The following TERB2 variants were observed in gnomAD, a reference collection of about 807,000 sequenced individuals.
TERB2 encodes telomere repeat binding bouquet formation protein 2.
In TERB2, 26 loss-of-function variants were observed where a neutral mutation model predicts 29.8. That is an observed-to-expected ratio of 0.87 (90% confidence interval 0.64 to 1.21). TERB2 has a LOEUF of 1.21. Ranked by LOEUF, TERB2 falls within the 50% of genes most tolerant of loss-of-function variation. TERB2 has a pLI of 0.00. For synonymous variants in TERB2, 80 were observed against 90.8 expected (o/e 0.88, Z 0.68); for missense variants, 240 against 268.6 (o/e 0.89, Z 0.74).
intron 6 of TERB2, among the ~76,000 whole-genome samples, chr15:44,975,077 A>T (rs1892025164): frequency 6.6e-6 from 1 of 152,240 alleles, no homozygotes; most frequent in South Asian, 2.1e-4. Context: ...ACAAATTTTT[A>T]AAAACTATTA....
chr15:44,958,320 A>G (rs11633824), intron 2 of TERB2, 53 bp from the exon 3 acceptor site: 186,987 of 1,527,978 alleles, frequency 0.12, 12,914 homozygotes, highest in Non-Finnish European at 0.14. Flanking sequence ...TTGAAAGGTT[A>G]AATACATTCT....
intron 5 of TERB2, among the ~76,000 whole-genome samples, chr15:44,966,980 G>C (rs1412299230): frequency 1.3e-5 from 2 of 152,134 alleles, no homozygotes; most frequent in Non-Finnish European, 2.9e-5. Flanking sequence ...CATACCTATA[G>C]TCCCAGCTAT....
At chr15:44,971,747 C>T (rs545953007) in intron 5 of TERB2, among the ~76,000 whole-genome samples, 37 of 151,888 alleles carry the variant, frequency 2.4e-4, no homozygotes, top group African/African-American at 8.7e-4. Flanking sequence ...CAGAGCAAGA[C>T]TCTGTCCTCC....
intron 6 of TERB2, chr15:44,976,227 T>A (rs537205518): frequency 6.6e-6 from 1 of 152,140 alleles, no homozygotes; most frequent in Admixed American, 6.5e-5. Context: ...GTTTCTAAGG[T>A]CAGAAATCCA....
At chr15:44,964,382 G>T (rs403420) in intron 4 of TERB2, among the ~76,000 whole-genome samples, 1,651 of 151,866 alleles carry the variant, frequency 0.011, 24 homozygotes, top group African/African-American at 0.038. Flanking sequence ...GTTGTACTAA[G>T]GACTGAAATA....
At chr15:44,969,776 T>A (rs1891941793) in intron 5 of TERB2, among the ~76,000 whole-genome samples, 1 of 146,700 alleles carries the variant, frequency 6.8e-6, no homozygotes, top group African/African-American at 2.6e-5. Flanking sequence ...TCAACCAAGG[T>A]GAAAGAGTGA....
In TERB2 at chr15:44,958,465, C is replaced by A; in HGVS notation, c.239C>A (p.Ser80Ter). The A allele has an allele frequency of 6.2e-7, 1 of 1,614,074 alleles. No individual in the cohort carries two copies. The highest frequency in any genetic ancestry group is 2.2e-5 in the East Asian group (1 of 44,868). ...SAVANAKIKN[S>*]VALGHFILPP... ...GTAGCTAATGCCAAAATAAAAAACTCGGTGGCTTTGGGTCATTTCATTCTT... is the reference window on the plus strand; with the variant it reads ...GTAGCTAATGCCAAAATAAAAAACTAGGTGGCTTTGGGTCATTTCATTCTT... Residue 80 changes from serine (S) to a stop codon, truncating the protein, a stop_gained, in exon 3 of 7, where the codon TCG (serine) becomes TAG (stop). Transcript: ENST00000340827. LOFTEE classifies it high-confidence loss of function.
chr15:44,973,972 TTTA>T lies in TERB2; in HGVS notation c.523+18_523+20del. On this transcript the variant is annotated intron_variant, in intron 6 of 6. Coordinates refer to ENST00000340827, the MANE Select transcript of TERB2 (RefSeq NM_152448.3). ...TGGTAACAGGTAGTTTAAAATAAAA[TTTA>T]GAGTAAACTCAGGTAGGAAAGAAAC... 6.6e-7 allele frequency: 1 copy of T among 1,517,382 alleles called. No homozygotes were observed. Among genetic ancestry groups the T allele is most frequent in the African/African-American group, 1.4e-5 (1 of 71,856 alleles). The allele number at this position is 1,517,382 out of a possible 1,614,324, so 94.0% of individuals were successfully genotyped here. A position where few individuals can be genotyped will look rare whatever the true frequency, so the allele number is the denominator to read the frequency against.
intron 5 of TERB2, among the ~76,000 whole-genome samples, chr15:44,973,399 ACT>A (rs1283376247): frequency 6.6e-6 from 1 of 152,082 alleles, no homozygotes; most frequent in Non-Finnish European, 1.5e-5. Context: ...AAGACCCAGG[ACT>A]CTATAGACTC....
chr15:44,956,700 C>G lies in TERB2; in HGVS notation c.-19C>G, dbSNP rs753316673. The G allele has an allele frequency of 1.9e-6, 3 of 1,591,322 alleles. No individual in the cohort carries two copies. On this transcript the variant is annotated 5_prime_UTR_variant, in exon 1 of 7. Transcript: ENST00000340827. Reference sequence around the variant, plus strand: ...CTCTGCGGCCTCCTCTCTCACATCTCCACAGGCTTGGCGACGCCATGTTTC... The same window carrying G: ...CTCTGCGGCCTCCTCTCTCACATCTGCACAGGCTTGGCGACGCCATGTTTC...
chr15:44,961,761 G>C (rs145546372), intron 4 of TERB2, among the ~76,000 whole-genome samples, 177 bp downstream of exon 4: 372 of 152,294 alleles, frequency 2.4e-3, no homozygotes, highest in African/African-American at 8.7e-3. Context: ...GTGTAGCAAC[G>C]CGATCTCGGC....
intron 4 of TERB2, among the ~76,000 whole-genome samples, chr15:44,964,895 G>C (rs1487749988): frequency 6.6e-6 from 1 of 151,936 alleles, no homozygotes; most frequent in Non-Finnish European, 1.5e-5. Flanking sequence ...GGCGCAGTGG[G>C]TCGCGCCTGT....
intron 5 of TERB2, among the ~76,000 whole-genome samples, chr15:44,966,909 G>C (rs1434137335): frequency 6.6e-6 from 1 of 152,044 alleles, no homozygotes; most frequent in Non-Finnish European, 1.5e-5. Context: ...GACCAGTCTG[G>C]GCAGCATAGG....
At chr15:44,975,952 A>G (rs945711167) in intron 6 of TERB2, 1 of 152,210 alleles carries the variant, frequency 6.6e-6, no homozygotes, top group Non-Finnish European at 1.5e-5. Flanking sequence ...TTCAAATCAA[A>G]AGGTTCTGAT....
chr15:44,960,476 C>G (rs1484182518), intron 3 of TERB2, among the ~76,000 whole-genome samples: 1 of 152,190 alleles, frequency 6.6e-6, no homozygotes, highest in Non-Finnish European at 1.5e-5. Flanking sequence ...TGAATAGCCA[C>G]TGCATTCCAG....
rs1892035620 is a variant in TERB2, at chr15:44,975,671, C to T, written c.523+1716C>T. 3.3e-5 allele frequency among the ~76,000 whole-genome samples: 5 copies of T among 151,982 alleles called. No individual in the cohort carries two copies. The South Asian group carries it at 1.0e-3, about 32-fold the overall frequency. ...GTCCTGTGCATTATAGCATATTTAC[C>T]TTGGCATCTGCCCACTAGATACCAA... On this transcript the variant is annotated intron_variant, in intron 6 of 6. Transcript: ENST00000340827.
At position 44,977,121 on chromosome 15, in the gene TERB2, G is replaced by GA. The variant is rs548536630; in HGVS notation, c.524-1359dup. The stretch of plus-strand genomic sequence containing the variant: ...AAAACACACACACACACACACCCCA[G>GA]AAAAAAAAACCCTAAAAACTTCAGA... On this transcript the variant is annotated intron_variant, in intron 6 of 6. Coordinates refer to ENST00000340827, the MANE Select transcript of TERB2 (RefSeq NM_152448.3). 2.1e-3 allele frequency among the ~76,000 whole-genome samples: 263 copies of GA among 125,906 alleles called. 3 individuals are homozygous for GA. The highest frequency in any genetic ancestry group is 6.9e-3 in the African/African-American group (218 of 31,586). The allele number at this position is 125,906 out of a possible 152,430, so 82.6% of individuals were successfully genotyped here. A position where few individuals can be genotyped will look rare whatever the true frequency, so the allele number is the denominator to read the frequency against.
rs374392225 is a variant in TERB2, at chr15:44,971,825, C to CG, written c.435-2042_435-2041insG. On this transcript the variant is annotated intron_variant, in intron 5 of 6. Transcript: ENST00000340827. Reference sequence around the variant, plus strand: ...TTTCACAACATCTCTTCCTTTTCATCCCCCCCCCTCCTTTTTTCCCTTTAT... The same window carrying CG: ...TTTCACAACATCTCTTCCTTTTCATCGCCCCCCCCTCCTTTTTTCCCTTTAT... Among the ~76,000 whole-genome samples, 50 of 113,384 alleles carry CG rather than the reference C, an allele frequency of 4.4e-4. 1 individual carries two copies. The highest frequency in any genetic ancestry group is 1.7e-3 in the African/African-American group (49 of 28,098). 74.4% of individuals were successfully genotyped at this position (113,384 alleles called of 152,430 possible). A position where few individuals can be genotyped will look rare whatever the true frequency, so the allele number is the denominator to read the frequency against.
chr15:44,977,386 T>G (rs1191855556), intron 6 of TERB2, among the ~76,000 whole-genome samples: 1 of 152,260 alleles, frequency 6.6e-6, no homozygotes, highest in African/African-American at 2.4e-5. Context: ...GGAATATTTT[T>G]TACTAATGTA....
Sources: gnomAD v4.1 joint callset for allele counts (sites outside exome capture counted in the v4.1 genomes callset) on GRCh38, gnomAD v4.1.1 for gene constraint, MANE v1.5 for transcripts, NCBI Gene and HGNC (gene_info 2026-07-23, HGNC 2026-07-21) for gene names.